PDE1A: variants seen among roughly 807,000 people sequenced by gnomAD.
PDE1A encodes phosphodiesterase 1A.
Under a neutral mutation model 61.7 loss-of-function variants are expected in PDE1A, and 35 were observed. The ratio of observed to expected loss-of-function variants is 0.57; its 90% CI spans 0.43 to 0.75. PDE1A has a LOEUF of 0.75. PDE1A is among the 30% of genes least tolerant of loss of function. PDE1A has a pLI of 0.00. For missense variants in PDE1A, 597 were observed against 630.6 expected (o/e 0.95, Z 0.57); for synonymous variants, 232 against 213.2 (o/e 1.09, Z -0.77).
intron 1 of PDE1A, among the ~76,000 whole-genome samples, chr2:182,350,115 A>C (rs576892834): frequency 6.6e-6 from 1 of 152,256 alleles, no homozygotes; most frequent in African/African-American, 2.4e-5. Flanking sequence ...CACAGTAACT[A>C]ACACCATAGA....
chr2:182,620,095 A>G, the PDE1A span, among the ~76,000 whole-genome samples: 2 of 152,178 alleles, frequency 1.3e-5, no homozygotes, highest in Non-Finnish European at 2.9e-5. Context: ...ACCATGACAC[A>G]TAGTCTACTG....
At chr2:182,185,813 C>G in intron 13 of PDE1A, 79 bp downstream of exon 13, 1 of 1,597,586 alleles carries the variant, frequency 6.3e-7, no homozygotes, top group African/African-American at 1.3e-5. Context: ...AAGAAGAAAT[C>G]TAGAAGAAGT....
chr2:182,537,760 T>C, the PDE1A span, among the ~76,000 whole-genome samples: 3 of 152,052 alleles, frequency 2.0e-5, no homozygotes, highest in Non-Finnish European at 2.9e-5. Flanking sequence ...TGGAGATACT[T>C]GGCATATTAG....
chr2:182,454,291 A>C (rs935028425), intron 2 of PDE1A, among the ~76,000 whole-genome samples: 3 of 152,104 alleles, frequency 2.0e-5, no homozygotes, highest in African/African-American at 7.2e-5. Context: ...ATGGAAGAAC[A>C]TTCCATGCTC....
At chr2:182,342,825 G>A (rs964868691) in intron 1 of PDE1A, among the ~76,000 whole-genome samples, 4 of 152,304 alleles carry the variant, frequency 2.6e-5, no homozygotes, top group South Asian at 2.1e-4. Flanking sequence ...TTGCAAGAAA[G>A]TCAATAGACT....
At chr2:182,250,590 G>C (rs1406430965) in intron 2 of PDE1A, among the ~76,000 whole-genome samples, 3 of 151,684 alleles carry the variant, frequency 2.0e-5, no homozygotes, top group East Asian at 1.9e-4. Context: ...TGATAGATTT[G>C]TTCAATGTTC....
chr2:182,466,990 C>A (rs568979246), intron 2 of PDE1A, among the ~76,000 whole-genome samples: 1 of 152,002 alleles, frequency 6.6e-6, no homozygotes, highest in Non-Finnish European at 1.5e-5. Context: ...GTCTTTTGAG[C>A]TGCTAGGCTC....
chr2:182,621,185 TC>T, the PDE1A span, among the ~76,000 whole-genome samples: 3 of 152,248 alleles, frequency 2.0e-5, no homozygotes, highest in South Asian at 6.2e-4. Context: ...TATCTTGGGT[TC>T]TACAAACTTC....
chr2:182,434,408 A>T (rs940771285), intron 2 of PDE1A, among the ~76,000 whole-genome samples: 2 of 152,118 alleles, frequency 1.3e-5, no homozygotes, highest in Non-Finnish European at 2.9e-5. Flanking sequence ...TAAAGAACAG[A>T]AACTCATTTC....
rs574522798 is a variant in PDE1A at position 182,255,484 on chromosome 2, T to G, written c.167+8817A>C. ...GTTTAGCAGCTCATTATTCATACGTTAGCCATAACTCTTGCAGCGCATTTA... is the reference window on the plus strand; with the variant it reads ...GTTTAGCAGCTCATTATTCATACGTGAGCCATAACTCTTGCAGCGCATTTA... On this transcript the variant is annotated intron_variant, in intron 2 of 13. Coordinates refer to ENST00000351439, the Ensembl canonical transcript of PDE1A. Among the ~76,000 whole-genome samples the G allele has an allele frequency of 1.6e-3, 239 of 152,234 alleles. 7 individuals are homozygous for G. In the South Asian group the frequency reaches 0.049, roughly 31 times the overall value.
At chr2:182,522,784 T>G, upstream of PDE1A, 2 of 485,650 alleles carry the variant, frequency 4.1e-6, no homozygotes, top group Non-Finnish European at 5.4e-6. Flanking sequence ...CGTGAATGAC[T>G]TTCGCGCTCC....
At chr2:182,500,873 TCTC>T (rs912142910) in intron 2 of PDE1A, among the ~76,000 whole-genome samples, 2 of 152,024 alleles carry the variant, frequency 1.3e-5, no homozygotes, top group African/African-American at 2.4e-5. Flanking sequence ...GACTTTCACT[TCTC>T]CTCACACCTG....
At chr2:182,603,310 A>G in the PDE1A span, among the ~76,000 whole-genome samples, 1 of 152,226 alleles carries the variant, frequency 6.6e-6, no homozygotes, top group African/African-American at 2.4e-5. Context: ...ACTGGAGGTT[A>G]GCACAGAAGA....
the PDE1A span, among the ~76,000 whole-genome samples, chr2:182,534,944 A>C: frequency 6.6e-6 from 1 of 152,018 alleles, no homozygotes; most frequent in Non-Finnish European, 1.5e-5. Flanking sequence ...GTTTACATGA[A>C]ATTTACCTGT....
chr2:182,229,482 A>G (rs1414350388), intron 6 of PDE1A, among the ~76,000 whole-genome samples: 3 of 152,158 alleles, frequency 2.0e-5, no homozygotes, highest in Admixed American at 2.0e-4. Flanking sequence ...GCTTTGCATC[A>G]CTGAATCGTT....
At chr2:182,635,471 ACTTC>A in the PDE1A span, among the ~76,000 whole-genome samples, 3 of 152,136 alleles carry the variant, frequency 2.0e-5, no homozygotes, top group African/African-American at 7.2e-5. Context: ...TACATAGAAT[ACTTC>A]CTTGTTTGTT....
chr2:182,519,179 A>G (rs778980916), intron 2 of PDE1A, among the ~76,000 whole-genome samples: 8 of 152,136 alleles, frequency 5.3e-5, no homozygotes, highest in Non-Finnish European at 1.0e-4. Flanking sequence ...TCCCAAATTC[A>G]TAAGAAACTT....
chr2:182,573,646 G>T, the PDE1A span, among the ~76,000 whole-genome samples: 2 of 151,686 alleles, frequency 1.3e-5, no homozygotes, highest in African/African-American at 4.8e-5. Flanking sequence ...TTAGCAAATC[G>T]TTAGTAATTT....
the PDE1A span, among the ~76,000 whole-genome samples, chr2:182,646,107 CAG>C: frequency 1.3e-5 from 2 of 151,884 alleles, no homozygotes; most frequent in African/African-American, 4.8e-5. Context: ...CACTCTTTTA[CAG>C]AGTTAGATGG....
Sources: allele counts gnomAD v4.1 joint callset (sites outside exome capture counted in the v4.1 genomes callset), GRCh38; gene constraint gnomAD v4.1.1; transcripts MANE v1.5; gene names NCBI Gene and HGNC (gene_info 2026-07-23, HGNC 2026-07-21).